TASP1: variants seen among roughly 807,000 people sequenced by gnomAD.
TASP1 encodes the protein taspase 1.
Under a neutral mutation model 56.6 loss-of-function variants are expected in TASP1, and 16 were observed. That is an observed-to-expected ratio of 0.28 (90% CI 0.19 to 0.43). TASP1 has a LOEUF of 0.43. Ranked by LOEUF, TASP1 falls within the 20% of genes least tolerant of loss-of-function variation. The pLI, the probability that TASP1 is intolerant of heterozygous loss-of-function variation, is 1.00. For missense variants in TASP1, 393 were observed against 511.6 expected (o/e 0.77, Z 2.24); for synonymous variants, 179 against 184.2 (o/e 0.97, Z 0.23).
chr20:13,136,604 C>CATATATATAT, the TASP1 span, among the ~76,000 whole-genome samples: 1,297 of 136,036 alleles, frequency 9.5e-3, 29 homozygotes, highest in African/African-American at 0.031. Flanking sequence ...CATCTAAAAA[C>CATATATATAT]ATATATATAT....
intron 10 of TASP1, among the ~76,000 whole-genome samples, chr20:13,524,878 T>C (rs927161222): frequency 4.6e-5 from 7 of 152,240 alleles, no homozygotes; most frequent in African/African-American, 1.4e-4. Flanking sequence ...AGTTAAACTG[T>C]TGTTTAAAAT....
At chr20:13,479,014 A>G (rs1447593669) in intron 11 of TASP1, among the ~76,000 whole-genome samples, 2 of 152,168 alleles carry the variant, frequency 1.3e-5, no homozygotes, top group Admixed American at 6.5e-5. Context: ...TGGAAAGCAT[A>G]TTGCAAAACA....
intron 8 of TASP1, among the ~76,000 whole-genome samples, chr20:13,537,468 A>G (rs1310773712): frequency 2.6e-5 from 4 of 152,164 alleles, no homozygotes; most frequent in Non-Finnish European, 5.9e-5. Context: ...AAAGACAAAC[A>G]TTGGTATTTT....
intron 11 of TASP1, among the ~76,000 whole-genome samples, chr20:13,475,419 T>C (rs904209402): frequency 6.6e-6 from 1 of 152,182 alleles, no homozygotes; most frequent in African/African-American, 2.4e-5. Context: ...TTCTTGTGCA[T>C]GTCATCTGGT....
chr20:13,280,026 A>AG, the TASP1 span: 1 of 872,770 alleles, frequency 1.1e-6, no homozygotes, highest in Non-Finnish European at 1.7e-6. Flanking sequence ...CAAACCTCAC[A>AG]AAGGCTGTCT....
the TASP1 span, among the ~76,000 whole-genome samples, chr20:13,291,922 T>C: frequency 6.6e-6 from 1 of 152,222 alleles, no homozygotes; most frequent in African/African-American, 2.4e-5. Flanking sequence ...TCTTCCCATT[T>C]ACAGATGTAA....
intron 13 of TASP1, chr20:13,392,592 T>C (rs2041332319): frequency 5.6e-6 from 2 of 356,114 alleles, no homozygotes; most frequent in Non-Finnish European, 1.1e-5. Context: ...GCTATGTTTA[T>C]GTAAACATGC....
chr20:13,319,845 C>T, the TASP1 span, among the ~76,000 whole-genome samples: 1 of 152,182 alleles, frequency 6.6e-6, no homozygotes, highest in African/African-American at 2.4e-5. Flanking sequence ...GGAGCTGTGG[C>T]TGGAGGCTGA....
intron 8 of TASP1, among the ~76,000 whole-genome samples, chr20:13,536,248 C>A (rs2045413320): frequency 6.6e-6 from 1 of 152,156 alleles, no homozygotes; most frequent in Admixed American, 6.6e-5. Flanking sequence ...GATGGTCTAA[C>A]AGCATCCCAC....
At chr20:13,588,093 A>T (rs2047373580) in intron 4 of TASP1, among the ~76,000 whole-genome samples, 1 of 152,124 alleles carries the variant, frequency 6.6e-6, no homozygotes. Flanking sequence ...GCCAAAAAAA[A>T]AGTCCAGAGT....
intron 4 of TASP1, among the ~76,000 whole-genome samples, chr20:13,599,265 C>T (rs923001538): frequency 6.6e-6 from 1 of 152,124 alleles, no homozygotes; most frequent in African/African-American, 2.4e-5. Flanking sequence ...ATAGCAAAGA[C>T]TTGGAACCAA....
At chr20:13,472,317 T>A (rs1162286268) in intron 11 of TASP1, among the ~76,000 whole-genome samples, 1 of 150,984 alleles carries the variant, frequency 6.6e-6, no homozygotes, top group African/African-American at 2.5e-5. Context: ...TCTTTACACC[T>A]TATACAAAAA....
At chr20:13,142,454 T>A in the TASP1 span, among the ~76,000 whole-genome samples, 1 of 152,346 alleles carries the variant, frequency 6.6e-6, no homozygotes, top group East Asian at 1.9e-4. Flanking sequence ...GGGGAACTGG[T>A]ATTCCACACT....
intron 8 of TASP1, among the ~76,000 whole-genome samples, chr20:13,537,028 C>T (rs1254918516): frequency 3.9e-5 from 6 of 152,040 alleles, no homozygotes; most frequent in Admixed American, 2.6e-4. Flanking sequence ...TAAACTCCAA[C>T]TGCTGATACT....
chr20:13,176,604 G>C, the TASP1 span, among the ~76,000 whole-genome samples: 5 of 152,030 alleles, frequency 3.3e-5, no homozygotes, highest in Non-Finnish European at 7.4e-5. Flanking sequence ...GTTGGATTCA[G>C]TTAGCTAGTA....
chr20:13,242,633 C>T, the TASP1 span, among the ~76,000 whole-genome samples: 1 of 152,110 alleles, frequency 6.6e-6, no homozygotes. Context: ...TGGGAATGGT[C>T]CTGCACTTCT....
At chr20:13,257,296 T>C in the TASP1 span, among the ~76,000 whole-genome samples, 1 of 152,060 alleles carries the variant, frequency 6.6e-6, no homozygotes, top group African/African-American at 2.4e-5. Context: ...GGGAGGATCA[T>C]CTGAGGTCAG....
the TASP1 span, among the ~76,000 whole-genome samples, chr20:13,290,712 A>G: frequency 6.6e-6 from 1 of 152,192 alleles, no homozygotes; most frequent in Non-Finnish European, 1.5e-5. Flanking sequence ...GAAAAAATAA[A>G]ATAGATGATG....
chr20:13,292,294 A>G, the TASP1 span: 5 of 847,138 alleles, frequency 5.9e-6, no homozygotes, highest in Non-Finnish European at 9.6e-6. Context: ...GTTCAGGTGT[A>G]TTTATTTTTT....
Sources: gnomAD v4.1 joint callset for allele counts (sites outside exome capture counted in the v4.1 genomes callset) on GRCh38, gnomAD v4.1.1 for gene constraint, MANE v1.5 for transcripts, NCBI Gene and HGNC (gene_info 2026-07-23, HGNC 2026-07-21) for gene names.